The following KIAA1217 variants were observed in gnomAD, a reference collection of about 807,000 sequenced individuals.
KIAA1217 encodes the protein sickle tail protein homolog.
Under a neutral mutation model 163.9 loss-of-function variants are expected in KIAA1217, and 88 were observed. The observed-to-expected ratio is 0.54, with a 90% CI of 0.45 to 0.64. The LOEUF is 0.64. KIAA1217 is among the 30% of genes least tolerant of loss of function. The pLI is 0.00. For synonymous variants in KIAA1217, 903 were observed against 923.1 expected, an observed-to-expected ratio of 0.98 and a Z score of 0.39; for missense variants, 2,372 against 2,475.0, an observed-to-expected ratio of 0.96 and a Z score of 0.88.
At chr10:23,761,744 C>T (rs1375244889) in intron 1 of KIAA1217, among the ~76,000 whole-genome samples, 1 of 152,064 alleles carries the variant, frequency 6.6e-6, no homozygotes, top group Admixed American at 6.5e-5. Context: ...ATTTGGGGTA[C>T]AGAGTTCTGC....
At chr10:24,088,371 G>T (rs2061791937) in intron 2 of KIAA1217, among the ~76,000 whole-genome samples, 1 of 117,790 alleles carries the variant, frequency 8.5e-6, no homozygotes, top group South Asian at 3.0e-4. Context: ...ATGTATACAT[G>T]TGCCATGTTG....
At chr10:24,106,874 G>GGTTTT (rs2062652668) in intron 2 of KIAA1217, among the ~76,000 whole-genome samples, 1 of 152,064 alleles carries the variant, frequency 6.6e-6, no homozygotes, top group Non-Finnish European at 1.5e-5. Context: ...TTGGTTGGTT[G>GGTTTT]GTTTTGTTTT....
At chr10:23,972,377 G>T (rs544601764) in intron 1 of KIAA1217, among the ~76,000 whole-genome samples, 1 of 151,806 alleles carries the variant, frequency 6.6e-6, no homozygotes, top group South Asian at 2.1e-4. Flanking sequence ...GCCCATAAAT[G>T]ATAGACTGGA....
At chr10:23,812,251 TA>T (rs1401754711) in intron 1 of KIAA1217, among the ~76,000 whole-genome samples, 1 of 152,214 alleles carries the variant, frequency 6.6e-6, no homozygotes, top group East Asian at 1.9e-4. Flanking sequence ...TAAGAAATGA[TA>T]ATACACATTC....
chr10:24,171,717 G>A lies in KIAA1217; in HGVS notation c.-170-47909G>A, dbSNP rs1002005211. ...CAGGAGAATCACTTGAACCTGGGAG[G>A]CGGAGGTTGCAGTAAGCTAAGATTG... On this transcript the variant is annotated intron_variant, in intron 2 of 18. Coordinates refer to the KIAA1217 transcript ENST00000376462. 5.3e-5 allele frequency among the ~76,000 whole-genome samples: 8 copies of A among 152,190 alleles called. No homozygotes were observed. The South Asian group carries it at 1.5e-3, about 28-fold the overall frequency.
At chr10:24,384,708 T>C (rs1430909279) in intron 3 of KIAA1217, among the ~76,000 whole-genome samples, 1 of 152,128 alleles carries the variant, frequency 6.6e-6, no homozygotes, top group African/African-American at 2.4e-5. Context: ...GCTAATTTTT[T>C]AGTATTTTTA....
At chr10:24,096,652 AT>A (rs899963029) in intron 2 of KIAA1217, among the ~76,000 whole-genome samples, 4 of 151,456 alleles carry the variant, frequency 2.6e-5, no homozygotes, top group African/African-American at 4.9e-5. Flanking sequence ...CCTGCAGCAA[AT>A]TTTTTTTACC....
At chr10:23,930,881 G>C (rs1398761035) in intron 1 of KIAA1217, among the ~76,000 whole-genome samples, 1 of 152,006 alleles carries the variant, frequency 6.6e-6, no homozygotes, top group East Asian at 1.9e-4. Flanking sequence ...CTTTGGTATT[G>C]AGCCTGTCCT....
chr10:24,477,581 T>C (rs1045105165), intron 6 of KIAA1217, among the ~76,000 whole-genome samples: 1 of 152,244 alleles, frequency 6.6e-6, no homozygotes, highest in Non-Finnish European at 1.5e-5. Flanking sequence ...GTTTCAGGAC[T>C]AGATGCTAAG....
chr10:23,831,798 A>G (rs774525115), intron 1 of KIAA1217, among the ~76,000 whole-genome samples: 1 of 152,130 alleles, frequency 6.6e-6, no homozygotes, highest in Admixed American at 6.6e-5. Flanking sequence ...AATAGTATAC[A>G]TTGCTTCCCT....
intron 3 of KIAA1217, among the ~76,000 whole-genome samples, chr10:24,418,933 T>C (rs943377945): frequency 1.3e-5 from 2 of 152,028 alleles, no homozygotes; most frequent in African/African-American, 4.8e-5. Flanking sequence ...TCCCAGCAAT[T>C]TGGGAGGCCG....
At chr10:24,515,683 A>G (rs536637293) in intron 10 of KIAA1217, among the ~76,000 whole-genome samples, 1 of 152,306 alleles carries the variant, frequency 6.6e-6, no homozygotes, top group Non-Finnish European at 1.5e-5. Context: ...CAAAAGAGAG[A>G]CTAACCCAGG....
chr10:24,088,274 T>TATATATATATATATATATACAC (rs1285415158), intron 2 of KIAA1217, among the ~76,000 whole-genome samples: 7 of 107,244 alleles, frequency 6.5e-5, no homozygotes, highest in African/African-American at 1.9e-4. Flanking sequence ...TATATATATA[T>TATATATATATATATATATACAC]ACACACATAT....
At chr10:23,971,441 A>T (rs774239508) in intron 1 of KIAA1217, among the ~76,000 whole-genome samples, 3 of 152,146 alleles carry the variant, frequency 2.0e-5, no homozygotes, top group Non-Finnish European at 4.4e-5. Context: ...AAAATGTGTG[A>T]TCATCACCTA....
At chr10:24,348,471 G>C (rs557563620) in intron 2 of KIAA1217, among the ~76,000 whole-genome samples, 100 of 152,208 alleles carry the variant, frequency 6.6e-4, no homozygotes, top group African/African-American at 2.4e-3. Flanking sequence ...TATCATTGCA[G>C]ATAAATTCTA....
intron 2 of KIAA1217, among the ~76,000 whole-genome samples, chr10:24,127,991 A>C (rs937685521): frequency 6.6e-6 from 1 of 152,214 alleles, no homozygotes; most frequent in Non-Finnish European, 1.5e-5. Context: ...TATTCTTCTC[A>C]TACTCAATAC....
intron 6 of KIAA1217, among the ~76,000 whole-genome samples, chr10:24,493,112 C>T (rs2066356607): frequency 6.6e-6 from 1 of 152,228 alleles, no homozygotes; most frequent in African/African-American, 2.4e-5. Context: ...TCCCAAAGTG[C>T]TGGAATTACA....
intron 2 of KIAA1217, among the ~76,000 whole-genome samples, chr10:24,077,499 A>G (rs1351847079): frequency 1.3e-5 from 2 of 152,210 alleles, no homozygotes; most frequent in African/African-American, 4.8e-5. Context: ...TGTCCCTGCA[A>G]AGGACATGAT....
chr10:24,285,197 G>T (rs1011357636), intron 2 of KIAA1217, among the ~76,000 whole-genome samples: 2 of 152,178 alleles, frequency 1.3e-5, no homozygotes, highest in Non-Finnish European at 2.9e-5. Flanking sequence ...CCTGTTGATA[G>T]TATCTTTTGC....
Sources: allele counts gnomAD v4.1 joint callset (sites outside exome capture counted in the v4.1 genomes callset), GRCh38; gene constraint gnomAD v4.1.1; transcripts MANE v1.5; gene names NCBI Gene and HGNC (gene_info 2026-07-23, HGNC 2026-07-21).